SETD2: variants seen among roughly 807,000 people sequenced by gnomAD.
SETD2 encodes the protein SET domain containing 2, histone lysine methyltransferase, also known as histone-lysine N-methyltransferase SETD2.
In SETD2, 31 loss-of-function variants were observed where a neutral mutation model predicts 242.1. That is an observed-to-expected ratio of 0.13 (90% CI 0.10 to 0.17). The LOEUF (loss-of-function observed/expected upper bound fraction) is 0.17. Among genes scored for constraint, SETD2 ranks in the 10% least tolerant of loss-of-function variants. The pLI is 1.00. For missense variants in SETD2, 2,481 were observed against 3,046.3 expected (o/e 0.81, Z 4.37); for synonymous variants, 1,006 against 1,066.5 (o/e 0.94, Z 1.11).
chr3:47,121,361 T>A lies in SETD2; in HGVS notation c.3275A>T (p.Gln1092Leu), dbSNP rs2106647460. 1 of 1,609,850 alleles carries A rather than the reference T, an allele frequency of 6.2e-7. No individual in the cohort carries two copies. Among genetic ancestry groups the A allele is most frequent in the Non-Finnish European group, 8.5e-7 (1 of 1,180,016 alleles). Residue 1092 changes from glutamine (Q) to leucine (L), a missense_variant, in exon 3 of 21, where the codon CAA (glutamine) becomes CTA (leucine). By Grantham distance (113) the Gln-to-Leu change is moderately radical (BLOSUM62 -2). Transcript: ENST00000409792. ...ATGGTCAGAATAGTGTCTATAACTTTGACTGCTCCGAGAAGAACAAGGACT... is the reference window on the plus strand; with the variant it reads ...ATGGTCAGAATAGTGTCTATAACTTAGACTGCTCCGAGAAGAACAAGGACT... Reference protein sequence around the residue: ...ETSPCSSRSSQSYRHYSDHWE... With the variant: ...ETSPCSSRSSLSYRHYSDHWE...
At chr3:47,041,463 C>T (rs1414972980) in intron 17 of SETD2, 3 of 276,192 alleles carry the variant, frequency 1.1e-5, no homozygotes, top group Non-Finnish European at 2.2e-5. Flanking sequence ...TCAGTCTGGG[C>T]AACAAAGAAA....
In SETD2 at chr3:47,106,043, C is replaced by T. The variant is rs2107696346; in HGVS notation, c.4793G>A (p.Arg1598Gln). 6.2e-7 allele frequency: 1 copy of T among 1,613,644 alleles called. No homozygotes were observed. The highest frequency in any genetic ancestry group is 8.5e-7 in the Non-Finnish European group (1 of 1,179,820). ...GAAATAGTAATGGATGTTTTTGTTT[C>T]GTGCATACTCCTTCACTCGAGCTTT... ...EFKARVKEYA[R>Q]NKNIHYYFMA... The change falls in exon 6 of 21, where the codon CGA becomes CAA. Residue 1598 changes from arginine (R) to glutamine (Q), a missense_variant. Around this residue, in one of 17 missense-constraint regions of SETD2, gnomAD observed 61 missense variants for 221.4 expected, o/e 0.28. Transcript: ENST00000409792.
intron 1 of SETD2, among the ~76,000 whole-genome samples, chr3:47,155,953 T>C (rs1018426124): frequency 3.9e-5 from 6 of 152,174 alleles, no homozygotes; most frequent in African/African-American, 1.4e-4. Flanking sequence ...TAGTTCTTAG[T>C]GTATTACAAA....
At chr3:47,077,279 C>T (rs1256602616) in intron 12 of SETD2, among the ~76,000 whole-genome samples, 1 of 152,060 alleles carries the variant, frequency 6.6e-6, no homozygotes, top group Non-Finnish European at 1.5e-5. Context: ...GACAGGGTTT[C>T]ACCATGTTGG....
intron 1 of SETD2, among the ~76,000 whole-genome samples, chr3:47,161,194 C>G (rs1407611625): frequency 6.6e-6 from 1 of 152,198 alleles, no homozygotes; most frequent in African/African-American, 2.4e-5. Context: ...ATGACCCCAA[C>G]TAGAAGCACT....
intron 18 of SETD2, among the ~76,000 whole-genome samples, chr3:47,031,672 A>C (rs1308004135): frequency 6.6e-6 from 1 of 152,230 alleles, no homozygotes; most frequent in Non-Finnish European, 1.5e-5. Flanking sequence ...ATAAATATGC[A>C]TACTGTAAAC....
intron 9 of SETD2, among the ~76,000 whole-genome samples, chr3:47,093,871 T>C (rs1053488500): frequency 6.6e-6 from 1 of 152,200 alleles, no homozygotes; most frequent in Non-Finnish European, 1.5e-5. Context: ...TAACATCTAA[T>C]AGTAATTTTA....
intron 12 of SETD2, among the ~76,000 whole-genome samples, chr3:47,073,967 CA>C (rs2040941080): frequency 6.6e-6 from 1 of 152,142 alleles, no homozygotes; most frequent in Admixed American, 6.5e-5. Context: ...TGTAGCTCAA[CA>C]ACACTAATTT....
Position 47,120,944 on chromosome 3 carries a change from C to T in SETD2, c.3692G>A (p.Gly1231Glu), listed in dbSNP as rs2107747759. ...TFQNRPDSRL[G>E]KTELSFSSSC... ...GGAAGAAAAACTCAATTCTGTTTTT[C>T]CCAGTCTACTATCTGGCCTGTTTTG... Residue 1231 changes from glycine (G) to glutamate (E), a missense_variant, in exon 3 of 21, where the codon GGA (glycine) becomes GAA (glutamate). Gly to Glu is a moderately conservative substitution (Grantham distance 98). Transcript: ENST00000409792. 6.2e-7 allele frequency: 1 copy of T among 1,614,194 alleles called. No homozygotes were observed. Among genetic ancestry groups the T allele is most frequent in the Non-Finnish European group, 8.5e-7 (1 of 1,180,014 alleles).
At chr3:47,117,993 G>A (rs1244031105) in intron 3 of SETD2, among the ~76,000 whole-genome samples, 1 of 152,182 alleles carries the variant, frequency 6.6e-6, no homozygotes, top group African/African-American at 2.4e-5. Flanking sequence ...AAACAGCATA[G>A]CTGCTCTAAA....
At chr3:47,116,423 A>C (rs2042855529) in intron 4 of SETD2, among the ~76,000 whole-genome samples, 200 bp downstream of exon 4, 1 of 152,236 alleles carries the variant, frequency 6.6e-6, no homozygotes, top group Non-Finnish European at 1.5e-5. Context: ...TGGGTACTGT[A>C]ATCTAATGCA....
At chr3:47,082,215 T>C (rs1268150536) in intron 12 of SETD2, among the ~76,000 whole-genome samples, 1 of 152,222 alleles carries the variant, frequency 6.6e-6, no homozygotes, top group East Asian at 1.9e-4. Context: ...TTAAGATAGC[T>C]TTACAATGAT....
intron 1 of SETD2, among the ~76,000 whole-genome samples, chr3:47,130,808 G>A (rs995073359): frequency 1.3e-5 from 2 of 152,146 alleles, no homozygotes; most frequent in African/African-American, 4.8e-5. Flanking sequence ...CCAGTTATCT[G>A]TCAAAAAAAT....
intron 17 of SETD2, chr3:47,041,497 A>G (rs80087183): frequency 8.5e-6 from 2 of 235,328 alleles, no homozygotes; most frequent in Non-Finnish European, 1.7e-5. Context: ...CAAAAAAAAG[A>G]AAAAAAAAAT....
In SETD2 at chr3:47,062,337, C is replaced by T. The variant is rs1244929991; in HGVS notation, c.6119G>A (p.Arg2040Gln). 3 of 1,591,500 alleles carry T rather than the reference C, an allele frequency of 1.9e-6. No homozygotes were observed. The highest frequency in any genetic ancestry group is 2.3e-5 in the East Asian group (1 of 44,434). Residue 2040 changes from arginine (R) to glutamine (Q), a missense_variant, in exon 14 of 21, where the codon CGA becomes CAA. Coordinates refer to ENST00000409792, the MANE Select transcript of SETD2 (RefSeq NM_014159.7). ...TCTGAAGCCAACAGCATCCCTTCCT[C>T]GTTCAGTTGCTAAGGGAAAAGGGTG... ...QTEKENTTTE[R>Q]GRDAVGFRDQ... is the part of the protein sequence containing the mutation.
chr3:47,162,177 A>C (rs1697504965), intron 1 of SETD2, among the ~76,000 whole-genome samples: 1 of 152,188 alleles, frequency 6.6e-6, no homozygotes, highest in Non-Finnish European at 1.5e-5. Context: ...TTCACCAAAC[A>C]ACCTGGTAAA....
chr3:47,022,211 AC>A (rs1241289636), intron 18 of SETD2, among the ~76,000 whole-genome samples: 10 of 150,354 alleles, frequency 6.7e-5, no homozygotes, highest in African/African-American at 9.8e-5. Flanking sequence ...ACACACACAC[AC>A]ACACACACAC....
At chr3:47,158,802 T>C (rs1697395579) in intron 1 of SETD2, among the ~76,000 whole-genome samples, 1 of 152,190 alleles carries the variant, frequency 6.6e-6, no homozygotes, top group South Asian at 2.1e-4. Flanking sequence ...TATTAAAATA[T>C]CTGATTTCTA....
intron 12 of SETD2, among the ~76,000 whole-genome samples, chr3:47,068,662 AATTTTTGT>A (rs939038567): frequency 1.9e-4 from 29 of 151,932 alleles, no homozygotes; most frequent in Non-Finnish European, 3.7e-4. Flanking sequence ...ATGCCCAGCT[AATTTTTGT>A]ATTTTTAGTA....
Sources: gnomAD v4.1 joint callset for allele counts (sites outside exome capture counted in the v4.1 genomes callset) on GRCh38, gnomAD v4.1.1 for gene constraint, gnomAD v4.1.1 regional missense constraint, MANE v1.5 for transcripts, NCBI Gene and HGNC (gene_info 2026-07-23, HGNC 2026-07-21) for gene names.